The following ZBTB44 variants were observed in gnomAD, a reference collection of about 807,000 sequenced individuals.
ZBTB44 encodes zinc finger and BTB domain-containing protein 44.
Under a neutral mutation model 54.0 loss-of-function variants are expected in ZBTB44, and 15 were observed. That is an observed-to-expected ratio of 0.28 (90% confidence interval 0.19 to 0.43). ZBTB44 has a LOEUF of 0.43. ZBTB44 is among the 20% of genes least tolerant of loss of function. The pLI is 1.00. For missense variants in ZBTB44, 487 were observed against 707.1 expected, an observed-to-expected ratio of 0.69 and a Z score of 3.53; for synonymous variants, 230 against 250.1, an observed-to-expected ratio of 0.92 and a Z score of 0.76.
In ZBTB44 at chr11:130,229,071, G is replaced by C. The variant is rs1195855581; in HGVS notation, c.*2693C>G. ...AGCCGGCCTGGGTCTTGCACAGTGG[G>C]GGTTTACTTAAGTAAAAGTAGCACA... On this transcript the variant is annotated 3_prime_UTR_variant, in exon 8 of 8. Transcript: ENST00000357899. The C allele has an allele frequency of 1.3e-5, 2 of 152,018 alleles. No homozygotes were observed. The highest frequency in any genetic ancestry group is 1.3e-4 in the Admixed American group (2 of 15,260). The allele number at this position is 152,018 out of a possible 1,614,324, so 9.4% of individuals were successfully genotyped here.
intron 5 of ZBTB44, among the ~76,000 whole-genome samples, chr11:130,235,662 C>A (rs540074779): frequency 2.0e-5 from 3 of 147,752 alleles, no homozygotes; most frequent in East Asian, 3.9e-4. Context: ...CCTATCTATT[C>A]AATTAAAAAA....
intron 1 of ZBTB44, among the ~76,000 whole-genome samples, chr11:130,301,742 T>C (rs1941999659): frequency 6.6e-6 from 1 of 152,140 alleles, no homozygotes; most frequent in African/African-American, 2.4e-5. Context: ...CTTTGAACCA[T>C]TTTATATTAA....
intron 2 of ZBTB44, among the ~76,000 whole-genome samples, chr11:130,255,179 A>G (rs1938335693): frequency 1.3e-5 from 2 of 152,192 alleles, no homozygotes; most frequent in South Asian, 4.1e-4. Flanking sequence ...CATATGTAAC[A>G]AATCTGCACG....
At chr11:130,294,744 GCAAAA>G (rs1482754872) in intron 1 of ZBTB44, among the ~76,000 whole-genome samples, 1 of 152,028 alleles carries the variant, frequency 6.6e-6, no homozygotes, top group African/African-American at 2.4e-5. Context: ...GGAACGGTAG[GCAAAA>G]CAGGTTAATC....
intron 2 of ZBTB44, among the ~76,000 whole-genome samples, chr11:130,257,744 T>C (rs1239004706): frequency 6.6e-6 from 1 of 152,192 alleles, no homozygotes; most frequent in Non-Finnish European, 1.5e-5. Context: ...ACAAAGTTAA[T>C]ATGGTCTTCC....
intron 1 of ZBTB44, chr11:130,285,472 A>G (rs1940891725): frequency 2.5e-5 from 4 of 157,384 alleles, no homozygotes; most frequent in Non-Finnish European, 5.6e-5. Context: ...TTGTATTTTT[A>G]GTAGAGATGA....
intron 5 of ZBTB44, chr11:130,236,017 A>G: frequency 1.0e-6 from 1 of 973,168 alleles, no homozygotes; most frequent in Non-Finnish European, 1.3e-6. Flanking sequence ...ATGAGAAACT[A>G]AGGATTCCTA....
Position 130,230,814 on chromosome 11 carries a change from T to C in ZBTB44, c.*950A>G, listed in dbSNP as rs1043311626. The C allele has an allele frequency of 6.6e-6, 1 of 152,102 alleles. No homozygotes were observed. The highest frequency in any genetic ancestry group is 1.5e-5 in the Non-Finnish European group (1 of 67,944). The allele number at this position is 152,102 out of a possible 1,614,324, so 9.4% of individuals were successfully genotyped here. A position where few individuals can be genotyped will look rare whatever the true frequency, so the allele number is the denominator to read the frequency against. On this transcript the variant is annotated 3_prime_UTR_variant, in exon 8 of 8. Transcript: ENST00000357899. ...ATGCTTCCACTATTAGAATATACCC[T>C]TTAAACACGAAAAGAACAACTGCAG...
rs1953754933 is a variant in ZBTB44, at chr11:130,228,209, C to G, written c.*3555G>C. On this transcript the variant is annotated 3_prime_UTR_variant, in exon 8 of 8. Coordinates refer to ENST00000357899, the MANE Select transcript of ZBTB44 (RefSeq NM_001301098.2). ...CATTATTGGGAACTTGGACCAAAAC[C>G]AAATTTTACTCTATTAGGGACCGTT... 6.6e-6 allele frequency: 1 copy of G among 152,084 alleles called. No individual in the cohort carries two copies. Among genetic ancestry groups the G allele is most frequent in the Non-Finnish European group, 1.5e-5 (1 of 68,012 alleles). The allele number at this position is 152,084 out of a possible 1,614,324, so 9.4% of individuals were successfully genotyped here. A position where few individuals can be genotyped will look rare whatever the true frequency, so the allele number is the denominator to read the frequency against.
chr11:130,305,706 T>C (rs1468800066), intron 1 of ZBTB44, among the ~76,000 whole-genome samples: 1 of 152,098 alleles, frequency 6.6e-6, no homozygotes, highest in Non-Finnish European at 1.5e-5. Flanking sequence ...AGGCAAAGAA[T>C]TCATGACCAA....
In ZBTB44 at chr11:130,292,022, T is replaced by C. The variant is rs187737870; in HGVS notation, c.-57+22353A>G. Among the ~76,000 whole-genome samples the C allele has an allele frequency of 2.8e-3, 431 of 152,360 alleles. 1 individual carries two copies. The highest frequency in any genetic ancestry group is 4.4e-3 in the Non-Finnish European group (298 of 68,030). On this transcript the variant is annotated intron_variant, in intron 1 of 7. Transcript: ENST00000357899. ...ATTTTATATAAATGGGATTATATAGTATGTACTCTTTTTTTCTGGCTTCTT... is the reference window on the plus strand; with the variant it reads ...ATTTTATATAAATGGGATTATATAGCATGTACTCTTTTTTTCTGGCTTCTT...
rs886788103 is a variant in ZBTB44 at position 130,243,877 on chromosome 11, G to C, written c.1019-3981C>G. On this transcript the variant is annotated intron_variant, in intron 2 of 7. Transcript: ENST00000357899. ...TTTTAAATTATTACCAATCAGGAAC[G>C]TGTTACAATACACACATTAAGCAGG... is the stretch of plus-strand genomic sequence containing the variant. 2.0e-5 allele frequency among the ~76,000 whole-genome samples: 3 copies of C among 151,970 alleles called. No individual in the cohort carries two copies. In the East Asian group the frequency reaches 5.8e-4, roughly 29 times the overall value.
chr11:130,244,026 C>G (rs1427770981), intron 2 of ZBTB44, among the ~76,000 whole-genome samples: 1 of 152,134 alleles, frequency 6.6e-6, no homozygotes, highest in Admixed American at 6.5e-5. Context: ...TTGAGTTGAT[C>G]AACCAAAGCC....
chr11:130,236,549 G>A, intron 5 of ZBTB44: 2 of 379,448 alleles, frequency 5.3e-6, no homozygotes, highest in Non-Finnish European at 9.1e-6. Context: ...AAGAGGACAA[G>A]TAGTCTACTT....
intron 5 of ZBTB44, chr11:130,236,011 G>A: frequency 1.3e-5 from 12 of 908,712 alleles, no homozygotes; most frequent in Middle Eastern, 4.3e-4. Flanking sequence ...CATTTTATGA[G>A]AAACTAAGGA....
intron 1 of ZBTB44, among the ~76,000 whole-genome samples, chr11:130,277,790 A>C (rs1025485740): frequency 6.6e-6 from 1 of 152,016 alleles, no homozygotes; most frequent in African/African-American, 2.4e-5. Context: ...TTCCTTGTAA[A>C]GTGGGTCAGC....
intron 2 of ZBTB44, among the ~76,000 whole-genome samples, chr11:130,255,389 G>A (rs1013845899): frequency 9.2e-5 from 14 of 152,228 alleles, no homozygotes; most frequent in East Asian, 1.9e-4. Flanking sequence ...CAGAATCTCC[G>A]GGACATGCTA....
chr11:130,244,920 T>TGA (rs1954578107), intron 2 of ZBTB44, among the ~76,000 whole-genome samples: 2 of 152,208 alleles, frequency 1.3e-5, no homozygotes, highest in Admixed American at 6.5e-5. Context: ...GCATCCAAAC[T>TGA]TTATTTAATC....
Position 130,227,409 on chromosome 11 carries a change from A to AC in ZBTB44, c.*4354dup. On this transcript the variant is annotated 3_prime_UTR_variant, in exon 8 of 8. Transcript: ENST00000357899. ...TAGGAAAGGGGTAGAAGACATAAAA[A>AC]CACCCATCTATGTAATTTAATTCAC... 6.6e-6 allele frequency: 1 copy of AC among 152,264 alleles called. No homozygotes were observed. The highest frequency in any genetic ancestry group is 1.9e-4 in the East Asian group (1 of 5,190). The allele number at this position is 152,264 out of a possible 1,614,324, so 9.4% of individuals were successfully genotyped here.
Sources: gnomAD v4.1 joint callset for allele counts (sites outside exome capture counted in the v4.1 genomes callset) on GRCh38, gnomAD v4.1.1 for gene constraint, MANE v1.5 for transcripts, NCBI Gene and HGNC (gene_info 2026-07-23, HGNC 2026-07-21) for gene names.